TTC27: variants seen among roughly 807,000 people sequenced by gnomAD.
TTC27 encodes the protein tetratricopeptide repeat domain 27.
A neutral mutation model predicts 115.9 loss-of-function variants in TTC27; 79 were observed. The observed-to-expected ratio is 0.68, with a 90% CI of 0.57 to 0.82. The LOEUF (loss-of-function observed/expected upper bound fraction) is 0.82. Ranked by LOEUF, TTC27 falls within the 40% of genes least tolerant of loss-of-function variation. TTC27 has a pLI of 0.00. For synonymous variants in TTC27, 401 were observed against 356.0 expected, an observed-to-expected ratio of 1.13 and a Z score of -1.42; for missense variants, 1,054 against 993.1, an observed-to-expected ratio of 1.06 and a Z score of -0.82.
intron 7 of TTC27, among the ~76,000 whole-genome samples, chr2:32,667,414 C>CTTT (rs58456949): frequency 4.7e-5 from 6 of 127,010 alleles, no homozygotes; most frequent in African/African-American, 5.9e-5. Flanking sequence ...CCCCCAACTA[C>CTTT]TTTTTTTTTT....
intron 10 of TTC27, among the ~76,000 whole-genome samples, chr2:32,707,116 GA>G (rs1309292809): frequency 6.6e-6 from 1 of 152,206 alleles, no homozygotes; most frequent in African/African-American, 2.4e-5. Flanking sequence ...GAAGGTGGCT[GA>G]GCCCTTTTAG....
At chr2:32,630,501 G>A (rs115281873) in intron 1 of TTC27, 22 bp from the exon 2 acceptor site, 18,770 of 1,556,670 alleles carry the variant, frequency 0.012, 147 homozygotes, top group Non-Finnish European at 0.014. Flanking sequence ...TTGGATTACC[G>A]CACTAATTTT....
At chr2:32,691,718 A>G (rs891615983) in intron 9 of TTC27, among the ~76,000 whole-genome samples, 9 of 144,048 alleles carry the variant, frequency 6.2e-5, no homozygotes, top group Admixed American at 3.6e-4. Flanking sequence ...ATAACTATAA[A>G]TAAATATTAC....
chr2:32,761,099 C>T (rs1669420919), intron 13 of TTC27, among the ~76,000 whole-genome samples: 1 of 152,154 alleles, frequency 6.6e-6, no homozygotes, highest in Non-Finnish European at 1.5e-5. Context: ...CCCCATTCCT[C>T]ACTCCAACCT....
In TTC27 at chr2:32,628,109, C is replaced by T; in HGVS notation, c.-184C>T. On this transcript the variant is annotated 5_prime_UTR_variant, in exon 1 of 20. Transcript: ENST00000317907. ...CGTGTTTTTCCCAGGGTGCCCCGCG[C>T]TGCTGTTATGGCCGCCTCCTTGAGG... 1 of 581,254 alleles carries T rather than the reference C, an allele frequency of 1.7e-6. No homozygotes were observed. Among genetic ancestry groups the T allele is most frequent in the Non-Finnish European group, 3.0e-6 (1 of 331,544 alleles). 36.0% of individuals were successfully genotyped at this position (581,254 alleles called of 1,614,324 possible).
chr2:32,703,634 G>A (rs905574225), intron 10 of TTC27, among the ~76,000 whole-genome samples: 1 of 152,156 alleles, frequency 6.6e-6, no homozygotes, highest in Non-Finnish European at 1.5e-5. Flanking sequence ...CCACATGTAA[G>A]ATTAATCCAT....
intron 10 of TTC27, among the ~76,000 whole-genome samples, chr2:32,717,234 A>G (rs1225472240): frequency 6.6e-6 from 1 of 152,086 alleles, no homozygotes; most frequent in African/African-American, 2.4e-5. Context: ...TCAGCCTCCC[A>G]AAGTGCTGGG....
chr2:32,758,078 G>C lies in TTC27; in HGVS notation c.1453-214G>C, dbSNP rs146513789. ...TTGCAGTATTCACTTTATTGCAGTG[G>C]TCTGGGACCAAACCCGCAATATCTC... On this transcript the variant is annotated intron_variant, in intron 12 of 19. Coordinates refer to ENST00000317907, the MANE Select transcript of TTC27 (RefSeq NM_017735.5). Among the ~76,000 whole-genome samples the C allele has an allele frequency of 1.2e-4, 19 of 152,254 alleles. No individual in the cohort carries two copies. The East Asian group carries it at 3.7e-3, about 29-fold the overall frequency.
At chr2:32,737,348 C>T (rs1668482186) in intron 12 of TTC27, among the ~76,000 whole-genome samples, 1 of 152,064 alleles carries the variant, frequency 6.6e-6, no homozygotes. Context: ...TCCCCTCATA[C>T]ATGAACAGAA....
At position 32,681,978 on chromosome 2, in the gene TTC27, A is replaced by ATGTGTG. The variant is rs1319189348; in HGVS notation, c.1119+3057_1119+3058insGTGTGT. ...TATAATTATTTATATATATGTATATATATGTGTGTGTGTGTGTGTGTGTGT... is the reference window on the plus strand; with the variant it reads ...TATAATTATTTATATATATGTATATATGTGTGTATGTGTGTGTGTGTGTGTGTGTGT... On this transcript the variant is annotated intron_variant, in intron 9 of 19. Coordinates refer to ENST00000317907, the MANE Select transcript of TTC27 (RefSeq NM_017735.5). 6.2e-4 allele frequency among the ~76,000 whole-genome samples: 86 copies of ATGTGTG among 137,878 alleles called. 1 individual carries two copies. The highest frequency in any genetic ancestry group is 2.2e-3 in the Admixed American group (29 of 13,208). The allele number at this position is 137,878 out of a possible 152,430, so 90.5% of individuals were successfully genotyped here. A position where few individuals can be genotyped will look rare whatever the true frequency, so the allele number is the denominator to read the frequency against.
At chr2:32,643,554 A>T (rs992042928) in intron 4 of TTC27, among the ~76,000 whole-genome samples, 6 of 151,334 alleles carry the variant, frequency 4.0e-5, no homozygotes, top group Non-Finnish European at 7.4e-5. Context: ...TGATCCACCC[A>T]CCTTGGCCTT....
intron 16 of TTC27, among the ~76,000 whole-genome samples, chr2:32,805,871 A>G (rs1171718453): frequency 6.6e-6 from 1 of 152,142 alleles, no homozygotes; most frequent in Non-Finnish European, 1.5e-5. Flanking sequence ...CATTACTGCT[A>G]TTTACCAGGC....
intron 10 of TTC27, among the ~76,000 whole-genome samples, chr2:32,727,624 T>C (rs1668154443): frequency 6.6e-6 from 1 of 152,152 alleles, no homozygotes; most frequent in African/African-American, 2.4e-5. Flanking sequence ...CAAAATATTA[T>C]ATTGCAACAG....
At chr2:32,736,528 G>A (rs971137007) in intron 11 of TTC27, among the ~76,000 whole-genome samples, 166 bp from the exon 12 acceptor site, 1 of 152,010 alleles carries the variant, frequency 6.6e-6, no homozygotes, top group Non-Finnish European at 1.5e-5. Flanking sequence ...TAAAGTAAAG[G>A]TATGTATTGA....
chr2:32,674,914 G>A (rs1238842317), intron 8 of TTC27, among the ~76,000 whole-genome samples: 8 of 151,414 alleles, frequency 5.3e-5, no homozygotes, highest in African/African-American at 1.2e-4. Context: ...CGCCCACCTC[G>A]GCCTCCCAAA....
At chr2:32,782,594 G>T in intron 14 of TTC27, 32 bp from the exon 15 acceptor site, 1 of 1,598,092 alleles carries the variant, frequency 6.3e-7, no homozygotes. Context: ...TAAATGAGAA[G>T]AGTTAATTAA....
intron 3 of TTC27, among the ~76,000 whole-genome samples, chr2:32,635,640 C>T (rs528224708): frequency 3.9e-5 from 6 of 152,016 alleles, no homozygotes; most frequent in South Asian, 4.2e-4. Context: ...GCCAAGATCA[C>T]GCCACTGCAC....
intron 9 of TTC27, among the ~76,000 whole-genome samples, chr2:32,691,009 G>A (rs1227022809): frequency 6.6e-6 from 1 of 152,174 alleles, no homozygotes; most frequent in Non-Finnish European, 1.5e-5. Flanking sequence ...TATGGAAAAA[G>A]CAGCTATCTG....
intron 10 of TTC27, among the ~76,000 whole-genome samples, chr2:32,706,122 AC>A (rs1240765192): frequency 1.0e-5 from 1 of 97,266 alleles, no homozygotes; most frequent in Non-Finnish European, 1.9e-5. Context: ...TTGCTTTGTC[AC>A]CCAGACTGGA....
Sources: gnomAD v4.1 joint callset for allele counts (sites outside exome capture counted in the v4.1 genomes callset) on GRCh38, gnomAD v4.1.1 for gene constraint, MANE v1.5 for transcripts, NCBI Gene and HGNC (gene_info 2026-07-23, HGNC 2026-07-21) for gene names.